Variants in DBNL observed in about 807,000 individuals in gnomAD.
The protein encoded by DBNL is drebrin like.
In DBNL, 35 loss-of-function variants were observed where a neutral mutation model predicts 62.2. That is an observed-to-expected ratio of 0.56 (90% CI 0.43 to 0.75). The LOEUF is 0.75. DBNL is among the 30% of genes least tolerant of loss of function. The probability of loss-of-function intolerance (pLI) is 0.00; values close to 1 mark genes in which losing one functional copy is unlikely to be tolerated. For missense variants in DBNL, 495 were observed against 578.4 expected, an observed-to-expected ratio of 0.86 and a Z score of 1.48; for synonymous variants, 197 against 218.0, an observed-to-expected ratio of 0.90 and a Z score of 0.85.
chr7:44,045,468 G>A (rs940833074), intron 1 of DBNL, among the ~76,000 whole-genome samples: 16 of 152,206 alleles, frequency 1.1e-4, no homozygotes. Flanking sequence ...TTTGGGAAAA[G>A]GTCCCATTTT....
In DBNL at chr7:44,050,234, T is replaced by C. The variant is rs1310778581; in HGVS notation, c.93T>C (p.Phe31=). The C allele has an allele frequency of 6.2e-7, 1 of 1,613,716 alleles. No individual in the cohort carries two copies. The change falls in exon 2 of 13, where the codon TTT becomes TTC. Residue 31 remains phenylalanine, a synonymous_variant. Coordinates refer to ENST00000448521, the MANE Select transcript of DBNL (RefSeq NM_001014436.3). ...TTGTGTTTCGTTTCAGGGCTCTCTTTACCTATGAAGGCAACAGCAATGACA... is the reference window on the plus strand; with the variant it reads ...TTGTGTTTCGTTTCAGGGCTCTCTTCACCTATGAAGGCAACAGCAATGACA... ...TEKSPTDWAL[F]TYEGNSNDIR... is the part of the protein sequence containing the mutation.
Position 44,065,529 on chromosome 7 carries a change from T to C in DBNL, c.*4613T>C. On this transcript the variant is annotated 3_prime_UTR_variant, in exon 13 of 13. Coordinates refer to ENST00000448521, the MANE Select transcript of DBNL (RefSeq NM_001014436.3). ...ACCATCACGAGGCGGTGAGTGGCCATGGTGGCAGCAGGGACCACAGAGGAC... is the reference window on the plus strand; with the variant it reads ...ACCATCACGAGGCGGTGAGTGGCCACGGTGGCAGCAGGGACCACAGAGGAC... 1.2e-6 allele frequency: 2 copies of C among 1,613,808 alleles called. No homozygotes were observed. The highest frequency in any genetic ancestry group is 1.1e-5 in the South Asian group (1 of 91,086).
chr7:44,046,877 C>A (rs917765378), intron 1 of DBNL, among the ~76,000 whole-genome samples: 6 of 152,238 alleles, frequency 3.9e-5, no homozygotes, highest in African/African-American at 7.2e-5. Context: ...ACCTACCACC[C>A]CTTTCATTTA....
intron 4 of DBNL, 69 bp downstream of exon 4, chr7:44,053,010 G>T: frequency 6.5e-7 from 1 of 1,549,322 alleles, no homozygotes; most frequent in Non-Finnish European, 8.7e-7. Flanking sequence ...AGGTTCCTGG[G>T]TGCGAGCAAG....
At position 44,065,201 on chromosome 7, in the gene DBNL, T is replaced by C; in HGVS notation, c.*4285T>C. On this transcript the variant is annotated 3_prime_UTR_variant, in exon 13 of 13. Coordinates refer to ENST00000448521, the MANE Select transcript of DBNL (RefSeq NM_001014436.3). ...GGAGCGCCTCCAGATCTTCACCTGC[T>C]CCTCCCCGTGCTTGGCGGCCGTTTC... is the stretch of plus-strand genomic sequence containing the variant. The C allele has an allele frequency of 6.2e-7, 1 of 1,614,078 alleles. No individual in the cohort carries two copies. Among genetic ancestry groups the C allele is most frequent in the South Asian group, 1.1e-5 (1 of 91,086 alleles).
intron 7 of DBNL, 35 bp downstream of exon 7, chr7:44,058,315 A>C (rs1346220661): frequency 1.9e-6 from 3 of 1,584,326 alleles, no homozygotes; most frequent in East Asian, 4.5e-5. Flanking sequence ...TGGGGGACCC[A>C]CCCTGAGGCA....
Position 44,065,055 on chromosome 7 carries a change from G to A in DBNL, c.*4139G>A. The A allele has an allele frequency of 6.2e-7, 1 of 1,609,530 alleles. No individual in the cohort carries two copies. Among genetic ancestry groups the A allele is most frequent in the Non-Finnish European group, 8.5e-7 (1 of 1,179,720 alleles). ...GCTGCTTTCCCTCCCAAGCCAGTGG[G>A]CCCCCACCCGACTCCCCACTCTGCA... is the stretch of plus-strand genomic sequence containing the variant. On this transcript the variant is annotated 3_prime_UTR_variant, in exon 13 of 13. Coordinates refer to ENST00000448521, the MANE Select transcript of DBNL (RefSeq NM_001014436.3).
At position 44,066,541 on chromosome 7, in the gene DBNL, C is replaced by G. The variant is rs2128797186; in HGVS notation, c.*5625C>G. The G allele has an allele frequency of 6.6e-6, 1 of 152,462 alleles. No individual in the cohort carries two copies. Among genetic ancestry groups the G allele is most frequent in the East Asian group, 1.9e-4 (1 of 5,190 alleles). The allele number at this position is 152,462 out of a possible 1,614,324, so 9.4% of individuals were successfully genotyped here. A position where few individuals can be genotyped will look rare whatever the true frequency, so the allele number is the denominator to read the frequency against. On this transcript the variant is annotated 3_prime_UTR_variant, in exon 13 of 13. Coordinates refer to ENST00000448521, the MANE Select transcript of DBNL (RefSeq NM_001014436.3). Reference sequence around the variant, plus strand: ...CCCCATCCAGGGCCTCCCATTTCCTCCCACCCCAGTGACCACACTGTCACC... The same window carrying G: ...CCCCATCCAGGGCCTCCCATTTCCTGCCACCCCAGTGACCACACTGTCACC...
chr7:44,061,461 T>C lies in DBNL; in HGVS notation c.*545T>C, dbSNP rs868865301. 2.6e-5 allele frequency: 4 copies of C among 154,852 alleles called. No individual in the cohort carries two copies. The highest frequency in any genetic ancestry group is 1.9e-4 in the Admixed American group (3 of 15,816). The allele number at this position is 154,852 out of a possible 1,614,324, so 9.6% of individuals were successfully genotyped here. A position where few individuals can be genotyped will look rare whatever the true frequency, so the allele number is the denominator to read the frequency against. ...AGCCTGCTCTGTGCTCCCCACTCCA[T>C]TTCTCTGTCCCTCTGCCTGGGCTAT... On this transcript the variant is annotated 3_prime_UTR_variant, in exon 13 of 13. Coordinates refer to ENST00000448521, the MANE Select transcript of DBNL (RefSeq NM_001014436.3).
At position 44,058,228 on chromosome 7, in the gene DBNL, G is replaced by A; in HGVS notation, c.652G>A (p.Ala218Thr). The change falls in exon 7 of 13, where the codon GCA becomes ACA. Residue 218 changes from alanine (A) to threonine (T), a missense_variant. Transcript: ENST00000448521. ...ERRERELREAARREQRYQEQG... is the reference protein window; with the variant it reads ...ERRERELREATRREQRYQEQG... ...CCGGGAGCGTGAGCTGCGTGAGGCTGCACGCCGGGAGCAGCGCTATCAGGA... is the reference window on the plus strand; with the variant it reads ...CCGGGAGCGTGAGCTGCGTGAGGCTACACGCCGGGAGCAGCGCTATCAGGA... 1 of 1,574,660 alleles carries A rather than the reference G, an allele frequency of 6.4e-7. No individual in the cohort carries two copies. Among genetic ancestry groups the A allele is most frequent in the South Asian group, 1.2e-5 (1 of 86,180 alleles).
intron 4 of DBNL, among the ~76,000 whole-genome samples, chr7:44,054,237 G>A (rs557776571): frequency 1.3e-5 from 2 of 152,188 alleles, no homozygotes; most frequent in African/African-American, 2.4e-5. Context: ...CTGTCACCCA[G>A]GCTGGAACGC....
At position 44,062,798 on chromosome 7, in the gene DBNL, A is replaced by G; in HGVS notation, c.*1882A>G. ...CTTGCCCTGGGCAGCCACAGCCTCC[A>G]TGGCCTTCCGCACCGTTTCCTCATC... is the stretch of plus-strand genomic sequence containing the variant. On this transcript the variant is annotated 3_prime_UTR_variant, in exon 13 of 13. Coordinates refer to ENST00000448521, the MANE Select transcript of DBNL (RefSeq NM_001014436.3). 1 of 1,614,154 alleles carries G rather than the reference A, an allele frequency of 6.2e-7. No individual in the cohort carries two copies. The highest frequency in any genetic ancestry group is 8.5e-7 in the Non-Finnish European group (1 of 1,180,018).
Position 44,063,197 on chromosome 7 carries a change from T to G in DBNL, c.*2281T>G, listed in dbSNP as rs2096152388. 4 of 505,164 alleles carry G rather than the reference T, an allele frequency of 7.9e-6. No homozygotes were observed. The highest frequency in any genetic ancestry group is 7.3e-6 in the Non-Finnish European group (2 of 274,928). 31.3% of individuals were successfully genotyped at this position (505,164 alleles called of 1,614,324 possible). ...TGATCTGTGGTGGTGCTGTCCATAG[T>G]TCCCTCAGCCCAGTGTGACTCCAGC... On this transcript the variant is annotated 3_prime_UTR_variant, in exon 13 of 13. Coordinates refer to ENST00000448521, the MANE Select transcript of DBNL (RefSeq NM_001014436.3).
In DBNL at chr7:44,062,762, CCT is replaced by C; in HGVS notation, c.*1848_*1849del. The C allele has an allele frequency of 6.2e-7, 1 of 1,614,082 alleles. No homozygotes were observed. Among genetic ancestry groups the C allele is most frequent in the Non-Finnish European group, 8.5e-7 (1 of 1,179,990 alleles). On this transcript the variant is annotated 3_prime_UTR_variant, in exon 13 of 13. Coordinates refer to ENST00000448521, the MANE Select transcript of DBNL (RefSeq NM_001014436.3). ...GGTGCCTTTATTGCCCAAGCCCACC[CCT>C]CACTTGGCCTTGCCCTGGGCAGCCA...
rs565625154 is a variant in DBNL at position 44,063,026 on chromosome 7, C to A, written c.*2110C>A. ...CCTTTATGGTCCACAGAGCCAGTTC[C>A]CCTGGCACCAATTCCTTCCCAGCCC... On this transcript the variant is annotated 3_prime_UTR_variant, in exon 13 of 13. Coordinates refer to ENST00000448521, the MANE Select transcript of DBNL (RefSeq NM_001014436.3). 24 of 1,319,584 alleles carry A rather than the reference C, an allele frequency of 1.8e-5. No individual in the cohort carries two copies. The East Asian group carries it at 5.3e-4, about 29-fold the overall frequency. The allele number at this position is 1,319,584 out of a possible 1,614,324, so 81.7% of individuals were successfully genotyped here.
At position 44,058,273 on chromosome 7, in the gene DBNL, C is replaced by T; in HGVS notation, c.697C>T (p.Pro233Ser). ...TCAGGAGCAGGGTGGCGAGGCCAGC[C>T]CCCAGAGGTGAGCCAGAGGTGGAGG... ...RYQEQGGEAS[P>S]QRTWEQQQEV... The change falls in exon 7 of 13, where the codon CCC becomes TCC. Residue 233 changes from proline (P) to serine (S), a missense_variant. Pro to Ser is a moderately conservative substitution (Grantham distance 74). Transcript: ENST00000448521. 1 of 1,574,974 alleles carries T rather than the reference C, an allele frequency of 6.3e-7. No homozygotes were observed. The highest frequency in any genetic ancestry group is 8.6e-7 in the Non-Finnish European group (1 of 1,160,492).
Position 44,062,793 on chromosome 7 carries a change from C to A in DBNL, c.*1877C>A. ...TTGGCCTTGCCCTGGGCAGCCACAG[C>A]CTCCATGGCCTTCCGCACCGTTTCC... On this transcript the variant is annotated 3_prime_UTR_variant, in exon 13 of 13. Transcript: ENST00000448521. The A allele has an allele frequency of 6.2e-7, 1 of 1,614,246 alleles. No homozygotes were observed.
In DBNL at chr7:44,064,797, A is replaced by AACATCAAGGGGG; in HGVS notation, c.*3881_*3882insACATCAAGGGGG. 1 of 633,308 alleles carries AACATCAAGGGGG rather than the reference A, an allele frequency of 1.6e-6. No individual in the cohort carries two copies. Among genetic ancestry groups the AACATCAAGGGGG allele is most frequent in the Non-Finnish European group, 2.8e-6 (1 of 361,386 alleles). 39.2% of individuals were successfully genotyped at this position (633,308 alleles called of 1,614,324 possible). A position where few individuals can be genotyped will look rare whatever the true frequency, so the allele number is the denominator to read the frequency against. On this transcript the variant is annotated 3_prime_UTR_variant, in exon 13 of 13. Transcript: ENST00000448521. ...GAGAAGCCAGCTGGGGCTGCTGCCC[A>AACATCAAGGGGG]CCCACCCTGCCCAGGCTCCTGAAGG...
Position 44,059,783 on chromosome 7 carries a change from C to A in DBNL, c.1047+125C>A. 9.9e-7 allele frequency: 1 copy of A among 1,007,278 alleles called. No homozygotes were observed. The highest frequency in any genetic ancestry group is 1.4e-6 in the Non-Finnish European group (1 of 696,408). The allele number at this position is 1,007,278 out of a possible 1,614,324, so 62.4% of individuals were successfully genotyped here. On this transcript the variant is annotated intron_variant, in intron 11 of 12. Coordinates refer to ENST00000448521, the MANE Select transcript of DBNL (RefSeq NM_001014436.3). This position sits in a 1 kb window ranked among gnomAD's most constrained non-coding sequence, Gnocchi z 4.1. ...AAAGCACATGCATTTTTGGAGCAGC[C>A]CTGTGTTATAAATTGTCAGGGCACG...
Sources: allele counts gnomAD v4.1 joint callset (sites outside exome capture counted in the v4.1 genomes callset), GRCh38; gene constraint gnomAD v4.1.1; non-coding constraint Gnocchi (gnomAD v3.1); transcripts MANE v1.5; gene names NCBI Gene and HGNC (gene_info 2026-07-23, HGNC 2026-07-21).